Variants in HS1BP3 observed in about 807,000 individuals in gnomAD.
HS1BP3 encodes HCLS1-binding protein 3.
A neutral mutation model predicts 33.5 loss-of-function variants in HS1BP3; 32 were observed. The observed-to-expected ratio is 0.95, with a 90% CI of 0.72 to 1.28. HS1BP3 has a LOEUF of 1.28. Ranked by LOEUF, HS1BP3 falls within the 50% of genes most tolerant of loss-of-function variation. The probability of loss-of-function intolerance (pLI) is 0.00; values close to 1 mark genes in which losing one functional copy is unlikely to be tolerated. For missense variants in HS1BP3, 486 were observed against 502.3 expected, an observed-to-expected ratio of 0.97 and a Z score of 0.31; for synonymous variants, 187 against 209.2, an observed-to-expected ratio of 0.89 and a Z score of 0.92.
chr2:20,631,111 A>T (rs6737130), intron 4 of HS1BP3, among the ~76,000 whole-genome samples: 47,229 of 151,996 alleles, frequency 0.31, 7,747 homozygotes, highest in East Asian at 0.59. Flanking sequence ...TCCTGGATGC[A>T]AGTCAGCGCA....
At chr2:20,581,657 C>A (rs1693536706) in intron 5 of HS1BP3, among the ~76,000 whole-genome samples, 1 of 152,212 alleles carries the variant, frequency 6.6e-6, no homozygotes, top group African/African-American at 2.4e-5. Flanking sequence ...GCCAACACAC[C>A]TTTATTACCT....
At chr2:20,639,502 C>T (rs966935466) in intron 3 of HS1BP3, among the ~76,000 whole-genome samples, 2 of 152,198 alleles carry the variant, frequency 1.3e-5, no homozygotes, top group African/African-American at 2.4e-5. Context: ...TTTAAAACAA[C>T]TGACTTTTAA....
rs113713361 is a variant in HS1BP3 at position 20,648,837 on chromosome 2, C to T, written c.32+2195G>A. Among the ~76,000 whole-genome samples, 979 of 152,350 alleles carry T rather than the reference C, an allele frequency of 6.4e-3. 12 individuals are homozygous for T. The highest frequency in any genetic ancestry group is 0.022 in the African/African-American group (915 of 41,576). ...CACAAATGCTGCTTCTACCTCTCCC[C>T]AAGCCTGCTAAAGGGCAGCCTCATT... On this transcript the variant is annotated intron_variant, in intron 1 of 6. Coordinates refer to ENST00000304031, the MANE Select transcript of HS1BP3 (RefSeq NM_022460.4).
chr2:20,591,013 C>G (rs1693799310), downstream of HS1BP3: 1 of 167,190 alleles, frequency 6.0e-6, no homozygotes, highest in South Asian at 2.1e-4. Flanking sequence ...CATGCTGTGG[C>G]AGGAGCGCCG....
intron 3 of HS1BP3, among the ~76,000 whole-genome samples, chr2:20,596,794 G>A (rs186541644): frequency 3.3e-4 from 50 of 152,184 alleles, no homozygotes; most frequent in South Asian, 2.1e-4. Flanking sequence ...CCATTTCTCC[G>A]TTTGTCCTAC....
At chr2:20,639,314 G>A (rs1190645226) in intron 3 of HS1BP3, among the ~76,000 whole-genome samples, 1 of 152,256 alleles carries the variant, frequency 6.6e-6, no homozygotes. Context: ...GGGAGAGCAA[G>A]CATCCAGAAA....
intron 2 of HS1BP3, among the ~76,000 whole-genome samples, chr2:20,644,845 T>C (rs1572364672): frequency 6.6e-6 from 1 of 152,230 alleles, no homozygotes; most frequent in African/African-American, 2.4e-5. Context: ...CTCCACAATC[T>C]GGATCCTGCC....
downstream of HS1BP3, among the ~76,000 whole-genome samples, chr2:20,556,373 G>A (rs1398370131): frequency 6.6e-6 from 1 of 152,138 alleles, no homozygotes; most frequent in Non-Finnish European, 1.5e-5. Context: ...TGCCCATTCT[G>A]TAAGAAGAAA....
chr2:20,631,986 T>C (rs73237114), intron 4 of HS1BP3, among the ~76,000 whole-genome samples: 2,107 of 152,306 alleles, frequency 0.014, 39 homozygotes, highest in African/African-American at 0.046. Context: ...ATGGCCAAGA[T>C]TTGATCAATA....
intron 1 of HS1BP3, among the ~76,000 whole-genome samples, chr2:20,649,062 C>G (rs903298820): frequency 2.0e-5 from 3 of 152,278 alleles, no homozygotes; most frequent in Admixed American, 6.5e-5. Flanking sequence ...CAAGCCTGTC[C>G]TGAATGCTCA....
downstream of HS1BP3, among the ~76,000 whole-genome samples, chr2:20,559,213 T>G (rs1411289956): frequency 6.6e-6 from 1 of 152,130 alleles, no homozygotes; most frequent in Non-Finnish European, 1.5e-5. Flanking sequence ...CAGGGCCAGC[T>G]CAAAAACCTT....
chr2:20,620,564 A>G (rs148301042), intron 6 of HS1BP3, among the ~76,000 whole-genome samples: 1 of 152,278 alleles, frequency 6.6e-6, no homozygotes, highest in Admixed American at 6.5e-5. Context: ...TGCTGCACGG[A>G]ACTGTACACA....
intron 5 of HS1BP3, among the ~76,000 whole-genome samples, chr2:20,561,336 G>A (rs548922030): frequency 6.6e-6 from 1 of 152,228 alleles, no homozygotes; most frequent in Non-Finnish European, 1.5e-5. Flanking sequence ...CTGACTCAGG[G>A]CCTGCAGAGA....
chr2:20,577,642 T>C (rs977461372), intron 5 of HS1BP3, among the ~76,000 whole-genome samples: 1 of 152,100 alleles, frequency 6.6e-6, no homozygotes. Flanking sequence ...TGCCTGTCTG[T>C]GGCTGCAGCC....
At chr2:20,581,803 C>A (rs565413429) in intron 5 of HS1BP3, among the ~76,000 whole-genome samples, 116 of 152,322 alleles carry the variant, frequency 7.6e-4, no homozygotes, top group Middle Eastern at 6.8e-3. Context: ...TCTGTTTCCA[C>A]CTATGCACTA....
chr2:20,570,978 G>A (rs1165302881), intron 5 of HS1BP3, among the ~76,000 whole-genome samples: 1 of 152,154 alleles, frequency 6.6e-6, no homozygotes, highest in Non-Finnish European at 1.5e-5. Flanking sequence ...GCCAGGAGAG[G>A]GCTGGGAAGG....
In HS1BP3 at chr2:20,618,658, G is replaced by A. The variant is rs555888307; in HGVS notation, c.*329C>T. On this transcript the variant is annotated 3_prime_UTR_variant, in exon 7 of 7. Transcript: ENST00000304031. ...CCTGCCCCATGTGACACCTCGCTAC[G>A]GCCCCACATGTCTTGCTTCATCCTT... The A allele has an allele frequency of 6.2e-6, 7 of 1,135,704 alleles. No homozygotes were observed. The East Asian group carries it at 1.4e-4, about 23-fold the overall frequency. 70.4% of individuals were successfully genotyped at this position (1,135,704 alleles called of 1,614,324 possible).
chr2:20,650,995 C>G, intron 1 of HS1BP3, 37 bp downstream of exon 1: 1 of 1,233,778 alleles, frequency 8.1e-7, no homozygotes, highest in Non-Finnish European at 1.0e-6. Flanking sequence ...CCCCGGACTG[C>G]GAGCTGTGCG....
intron 5 of HS1BP3, among the ~76,000 whole-genome samples, chr2:20,563,975 A>G (rs1693064381): frequency 6.6e-6 from 1 of 152,134 alleles, no homozygotes; most frequent in Admixed American, 6.5e-5. Flanking sequence ...GACACATGTG[A>G]TGAGTTGTGC....
Sources: allele counts gnomAD v4.1 joint callset (sites outside exome capture counted in the v4.1 genomes callset), GRCh38; gene constraint gnomAD v4.1.1; transcripts MANE v1.5; gene names NCBI Gene and HGNC (gene_info 2026-07-23, HGNC 2026-07-21).